SPATA17: variants seen among roughly 807,000 people sequenced by gnomAD.
The protein encoded by SPATA17 is spermatogenesis-associated protein 17.
In SPATA17, 53 loss-of-function variants were observed where a neutral mutation model predicts 62.2. That is an observed-to-expected ratio of 0.85 (90% CI 0.68 to 1.07). The LOEUF (loss-of-function observed/expected upper bound fraction) is 1.07, where lower values mean the gene tolerates loss of function less well. Among genes scored for constraint, SPATA17 ranks in the 50% least tolerant of loss-of-function variants. SPATA17 has a pLI of 0.00. For missense variants in SPATA17, 466 were observed against 425.5 expected, an observed-to-expected ratio of 1.10 and a Z score of -0.84; for synonymous variants, 146 against 146.8, an observed-to-expected ratio of 0.99 and a Z score of 0.04.
chr1:217,663,610 A>C (rs1040478074), intron 3 of SPATA17, among the ~76,000 whole-genome samples: 1 of 152,180 alleles, frequency 6.6e-6, no homozygotes, highest in African/African-American at 2.4e-5. Context: ...GAAAATAACA[A>C]AAACTCAGGC....
At chr1:217,793,894 T>C (rs1674067934) in intron 8 of SPATA17, among the ~76,000 whole-genome samples, 1 of 151,930 alleles carries the variant, frequency 6.6e-6, no homozygotes, top group African/African-American at 2.4e-5. Context: ...GGTTGGCAGA[T>C]CACGAGGTCA....
intron 9 of SPATA17, among the ~76,000 whole-genome samples, chr1:217,837,177 G>C (rs1675279364): frequency 6.6e-6 from 1 of 152,064 alleles, no homozygotes; most frequent in Non-Finnish European, 1.5e-5. Flanking sequence ...TTGGTTCTCA[G>C]TATGTTTCTT....
chr1:217,841,026 T>A (rs940750424), intron 9 of SPATA17, among the ~76,000 whole-genome samples: 6 of 151,952 alleles, frequency 3.9e-5, no homozygotes, highest in African/African-American at 1.4e-4. Flanking sequence ...AATGTTACTT[T>A]AAATTTGGTA....
chr1:217,726,686 G>A (rs76489813), intron 5 of SPATA17, among the ~76,000 whole-genome samples: 9 of 150,854 alleles, frequency 6.0e-5, no homozygotes, highest in South Asian at 2.1e-4. Flanking sequence ...GTTTTCATGC[G>A]TATTTCCCTT....
chr1:217,669,080 C>T lies in SPATA17; in HGVS notation c.288C>T (p.Val96=). ...TGAATCTCTACAATGCAATGGCTGTCAGGGTAAATATTTCTTCACTTGTTA... is the reference window on the plus strand; with the variant it reads ...TGAATCTCTACAATGCAATGGCTGTTAGGGTAAATATTTCTTCACTTGTTA... ...MMMNLYNAMA[V]RIQRRWRGYR... Residue 96 remains valine, a synonymous_variant, in exon 4 of 11, where the codon GTC becomes GTT. Transcript: ENST00000366933. The T allele has an allele frequency of 6.2e-7, 1 of 1,609,914 alleles. No individual in the cohort carries two copies. The highest frequency in any genetic ancestry group is 1.3e-5 in the African/African-American group (1 of 74,908).
At chr1:217,645,598 G>A (rs1670163222) in intron 1 of SPATA17, among the ~76,000 whole-genome samples, 1 of 152,120 alleles carries the variant, frequency 6.6e-6, no homozygotes, top group South Asian at 2.1e-4. Flanking sequence ...ATAACCATAA[G>A]AAACAGCTCT....
chr1:217,777,877 T>C (rs1673632268), intron 7 of SPATA17, among the ~76,000 whole-genome samples: 1 of 152,152 alleles, frequency 6.6e-6, no homozygotes, highest in Non-Finnish European at 1.5e-5. Flanking sequence ...ATGGTTTCAT[T>C]ATTCCTTTTT....
intron 1 of SPATA17, among the ~76,000 whole-genome samples, chr1:217,638,561 T>C (rs530376135): frequency 8.5e-5 from 13 of 152,264 alleles, no homozygotes; most frequent in Admixed American, 5.2e-4. Context: ...ACTGCCCAAG[T>C]AACCTGAGCA....
At chr1:217,656,028 C>T (rs960299773) in intron 3 of SPATA17, among the ~76,000 whole-genome samples, 2 of 151,894 alleles carry the variant, frequency 1.3e-5, no homozygotes, top group African/African-American at 4.8e-5. Context: ...CAGGTGCCTC[C>T]CCCACCCCCC....
intron 6 of SPATA17, among the ~76,000 whole-genome samples, chr1:217,757,617 CACTA>C (rs1320569037): frequency 6.6e-6 from 1 of 152,074 alleles, no homozygotes; most frequent in Non-Finnish European, 1.5e-5. Flanking sequence ...ATGTACTTCC[CACTA>C]ACTAGATTTG....
At chr1:217,757,254 A>T (rs186064864) in intron 6 of SPATA17, among the ~76,000 whole-genome samples, 1 of 152,346 alleles carries the variant, frequency 6.6e-6, no homozygotes, top group East Asian at 1.9e-4. Context: ...AATAAAAAAG[A>T]CAGATAGTTG....
chr1:217,658,154 C>T (rs1435927484), intron 3 of SPATA17, among the ~76,000 whole-genome samples: 2 of 152,196 alleles, frequency 1.3e-5, no homozygotes, highest in Non-Finnish European at 2.9e-5. Flanking sequence ...CCCTCTAAAT[C>T]TCATGTTGAA....
chr1:217,725,678 G>T (rs1324764266), intron 5 of SPATA17, among the ~76,000 whole-genome samples: 1 of 152,118 alleles, frequency 6.6e-6, no homozygotes, highest in Non-Finnish European at 1.5e-5. Context: ...GGCCAGGCTG[G>T]TCTCAAACTC....
At position 217,781,330 on chromosome 1, in the gene SPATA17, C is replaced by A. The variant is rs1673721968; in HGVS notation, c.724-844C>A. On this transcript the variant is annotated intron_variant, in intron 7 of 10. Coordinates refer to ENST00000366933, the MANE Select transcript of SPATA17 (RefSeq NM_138796.4). ...AAGAATAAGGAATATGATTAGAAAT[C>A]TTTGTCCATTTAATATTACTTCTCT... The A allele has an allele frequency of 2.0e-5, 3 of 152,224 alleles. No homozygotes were observed. In the South Asian group the frequency reaches 6.2e-4, roughly 32 times the overall value. The allele number at this position is 152,224 out of a possible 1,614,324, so 9.4% of individuals were successfully genotyped here.
chr1:217,753,217 A>G (rs1399155315), intron 6 of SPATA17, among the ~76,000 whole-genome samples: 1 of 152,200 alleles, frequency 6.6e-6, no homozygotes, highest in East Asian at 1.9e-4. Context: ...AGGGGCCCCA[A>G]AGCTTAAGCT....
chr1:217,845,599 G>A (rs990307156), intron 9 of SPATA17, among the ~76,000 whole-genome samples: 7 of 151,924 alleles, frequency 4.6e-5, no homozygotes, highest in Admixed American at 3.9e-4. Flanking sequence ...GCAATTTTAT[G>A]TTTTTCATTC....
intron 5 of SPATA17, among the ~76,000 whole-genome samples, chr1:217,723,349 C>T (rs938381148): frequency 2.0e-5 from 3 of 152,056 alleles, no homozygotes; most frequent in African/African-American, 4.8e-5. Flanking sequence ...TTCCCAAAGT[C>T]GGGGGCCCAT....
At chr1:217,853,759 T>A (rs1675715587) in intron 9 of SPATA17, among the ~76,000 whole-genome samples, 1 of 152,198 alleles carries the variant, frequency 6.6e-6, no homozygotes, top group African/African-American at 2.4e-5. Flanking sequence ...AAAAACACCC[T>A]AACTGACATA....
chr1:217,847,606 AT>A (rs1675557250), intron 9 of SPATA17, among the ~76,000 whole-genome samples: 1 of 152,200 alleles, frequency 6.6e-6, no homozygotes, highest in African/African-American at 2.4e-5. Flanking sequence ...TGACTATCTT[AT>A]CTGCATTCTA....
Sources: allele counts gnomAD v4.1 joint callset (sites outside exome capture counted in the v4.1 genomes callset), GRCh38; gene constraint gnomAD v4.1.1; transcripts MANE v1.5; gene names NCBI Gene and HGNC (gene_info 2026-07-23, HGNC 2026-07-21).